The following RAP1GAP2 variants were observed in gnomAD, a reference collection of about 807,000 sequenced individuals.
The protein encoded by RAP1GAP2 is rap1 GTPase-activating protein 2.
RAP1GAP2 carries 27 observed loss-of-function variants against 95.0 expected under a neutral mutation model. The observed-to-expected ratio is 0.28, with a 90% CI of 0.21 to 0.39. The LOEUF is 0.39. RAP1GAP2 is among the 10% of genes least tolerant of loss of function. The pLI is 1.00. For missense variants in RAP1GAP2, 771 were observed against 970.0 expected (o/e 0.79, Z 2.72); for synonymous variants, 373 against 380.9 (o/e 0.98, Z 0.24).
intron 4 of RAP1GAP2, among the ~76,000 whole-genome samples, chr17:2,960,255 T>C (rs1328601054): frequency 6.6e-6 from 1 of 151,534 alleles, no homozygotes; most frequent in Non-Finnish European, 1.5e-5. Context: ...GGGGAGGGGA[T>C]GGGAGGAAGT....
chr17:2,829,246 A>C (rs1185036307), intron 2 of RAP1GAP2, among the ~76,000 whole-genome samples: 1 of 152,148 alleles, frequency 6.6e-6, no homozygotes, highest in Non-Finnish European at 1.5e-5. Flanking sequence ...AGCCTTAAAA[A>C]GTACTGGGAT....
chr17:3,028,467 G>A (rs1311797884), intron 22 of RAP1GAP2, among the ~76,000 whole-genome samples: 2 of 152,110 alleles, frequency 1.3e-5, no homozygotes, highest in Admixed American at 6.5e-5. Context: ...AATGACATTC[G>A]GTTGAAAAAC....
Position 2,871,674 on chromosome 17 carries a change from A to C in RAP1GAP2, c.81-33610A>C, listed in dbSNP as rs189839929. 6.6e-6 allele frequency among the ~76,000 whole-genome samples: 1 copy of C among 152,116 alleles called. No homozygotes were observed. The highest frequency in any genetic ancestry group is 1.5e-5 in the Non-Finnish European group (1 of 68,020). The stretch of plus-strand genomic sequence containing the variant: ...TTCATGCTGATTTCATTGGGGTTCA[A>C]TTGGTACCATCCCATGGGCAGTACA... On this transcript the variant is annotated intron_variant, in intron 2 of 24. Coordinates refer to ENST00000254695, the MANE Select transcript of RAP1GAP2 (RefSeq NM_015085.5). The surrounding 1 kb of genome is among the most constrained non-coding windows in gnomAD (Gnocchi z 5.0).
Position 3,034,310 on chromosome 17 carries a change from TG to T in RAP1GAP2, c.*950del. Reference sequence around the variant, plus strand: ...TGTTGGTTGAGGAAAACCTCGGGCCTGAGGGCCAGGCCGGAGCCCAGGTCTC... The same window carrying T: ...TGTTGGTTGAGGAAAACCTCGGGCCTAGGGCCAGGCCGGAGCCCAGGTCTC... On this transcript the variant is annotated 3_prime_UTR_variant, in exon 25 of 25. Coordinates refer to ENST00000254695, the MANE Select transcript of RAP1GAP2 (RefSeq NM_015085.5). The surrounding 1 kb of genome is among the most constrained non-coding windows in gnomAD (Gnocchi z 5.1). 1 of 187,718 alleles carries T rather than the reference TG, an allele frequency of 5.3e-6. No individual in the cohort carries two copies. The highest frequency in any genetic ancestry group is 1.2e-5 in the Non-Finnish European group (1 of 86,084). The allele number at this position is 187,718 out of a possible 1,614,324, so 11.6% of individuals were successfully genotyped here. A position where few individuals can be genotyped will look rare whatever the true frequency, so the allele number is the denominator to read the frequency against.
intron 3 of RAP1GAP2, among the ~76,000 whole-genome samples, chr17:2,921,596 TGCAGGGTCGTTAAGGTGTCA>T (rs1555569314): frequency 4.7e-5 from 7 of 149,420 alleles, no homozygotes; most frequent in South Asian, 2.1e-4. Context: ...TTAAGGTGTC[TGCAGGGTCGTTAAGGTGTCA>T]GCAGGGTCGT....
chr17:3,030,517 C>T (rs1475572774), intron 22 of RAP1GAP2, among the ~76,000 whole-genome samples: 1 of 152,116 alleles, frequency 6.6e-6, no homozygotes, highest in Non-Finnish European at 1.5e-5. Flanking sequence ...GACGTGATGT[C>T]CTCGAACGTG....
chr17:3,026,160 G>T, intron 20 of RAP1GAP2, 39 bp downstream of exon 20: 5 of 1,507,076 alleles, frequency 3.3e-6, no homozygotes, highest in Non-Finnish European at 4.6e-6. Context: ...CTTCGGCCAC[G>T]TGGAGCCCTG....
chr17:2,790,507 C>T (rs921024292), intron 1 of RAP1GAP2, among the ~76,000 whole-genome samples: 7 of 152,214 alleles, frequency 4.6e-5, no homozygotes, highest in Admixed American at 1.3e-4. Context: ...GCTGAAGTCT[C>T]AAAAGAGTAG....
intron 2 of RAP1GAP2, among the ~76,000 whole-genome samples, chr17:2,817,110 C>T (rs1293950038): frequency 1.7e-5 from 2 of 115,900 alleles, no homozygotes; most frequent in Non-Finnish European, 4.1e-5. Flanking sequence ...GCCTCAGCCT[C>T]CTATGTAGCT....
At chr17:2,874,095 C>T (rs756746116) in intron 2 of RAP1GAP2, among the ~76,000 whole-genome samples, 1 of 152,190 alleles carries the variant, frequency 6.6e-6, no homozygotes, top group African/African-American at 2.4e-5. Flanking sequence ...CATTTTCTAG[C>T]TCTCTGACTG....
At chr17:2,911,173 C>G (rs539239507) in intron 3 of RAP1GAP2, among the ~76,000 whole-genome samples, 31 of 152,264 alleles carry the variant, frequency 2.0e-4, no homozygotes, top group Middle Eastern at 3.4e-3. Flanking sequence ...CCGCGCTCCC[C>G]CCGGGCCCCC....
At chr17:2,861,332 G>A (rs1239719579) in intron 2 of RAP1GAP2, among the ~76,000 whole-genome samples, 4 of 152,014 alleles carry the variant, frequency 2.6e-5, no homozygotes, top group East Asian at 1.9e-4. Context: ...GTTTCAGAGC[G>A]GGAACTTTGC....
intron 2 of RAP1GAP2, among the ~76,000 whole-genome samples, chr17:2,834,217 T>G (rs1454067009): frequency 6.6e-6 from 1 of 152,176 alleles, no homozygotes; most frequent in Non-Finnish European, 1.5e-5. Flanking sequence ...TGGCTTTAGA[T>G]TTTCATCCTA....
At chr17:2,787,258 TTTTTTTTTTTTC>T (rs984182397) in intron 1 of RAP1GAP2, among the ~76,000 whole-genome samples, 9 of 151,688 alleles carry the variant, frequency 5.9e-5, no homozygotes, top group Non-Finnish European at 1.2e-4. Context: ...GCTTTGGTTT[TTTTTTTTTTTTC>T]TTTTTTTTTT....
intron 2 of RAP1GAP2, among the ~76,000 whole-genome samples, chr17:2,848,693 T>C (rs1417685320): frequency 6.6e-6 from 1 of 152,048 alleles, no homozygotes; most frequent in Admixed American, 6.6e-5. Context: ...TTCGTATTTT[T>C]AGTAGAGACG....
At chr17:2,781,827 GGTCTCTGTGTGGGCAC>G (rs1305822274) in intron 1 of RAP1GAP2, among the ~76,000 whole-genome samples, 3 of 139,856 alleles carry the variant, frequency 2.1e-5, no homozygotes, top group Non-Finnish European at 1.5e-5. Flanking sequence ...TGTGTGTGCA[GGTCTCTGTGTGGGCAC>G]GTCTCTGTGT....
intron 2 of RAP1GAP2, among the ~76,000 whole-genome samples, chr17:2,812,974 G>A (rs1323990207): frequency 1.5e-5 from 2 of 132,994 alleles, no homozygotes; most frequent in Non-Finnish European, 3.2e-5. Context: ...TGGGTAACAA[G>A]AGTGAAACTC....
chr17:2,801,595 GTA>G (rs768119841), intron 2 of RAP1GAP2, among the ~76,000 whole-genome samples: 6,682 of 78,014 alleles, frequency 0.086, 213 homozygotes, highest in Middle Eastern at 0.16. Flanking sequence ...ACACTCCAGG[GTA>G]TGTGTGTGTG....
In RAP1GAP2 at chr17:3,005,400, C is replaced by T. The variant is rs780499632; in HGVS notation, c.1232C>T (p.Thr411Ile). 6 of 1,613,908 alleles carry T rather than the reference C, an allele frequency of 3.7e-6. No individual in the cohort carries two copies. In the Admixed American group the frequency reaches 8.3e-5, roughly 22 times the overall value. ...VSVTAREDVP[T>I]FGPPLPSPPV... ...GTCACTGCGCGGGAAGATGTGCCCA[C>T]CTTTGGTCCACCTCTGCCCAGTCCC... The change falls in exon 15 of 25, where the codon ACC (threonine) becomes ATC (isoleucine). Residue 411 changes from threonine (T) to isoleucine (I), a missense_variant. Coordinates refer to ENST00000254695, the MANE Select transcript of RAP1GAP2 (RefSeq NM_015085.5). The surrounding 1 kb of genome is among the most constrained non-coding windows in gnomAD (Gnocchi z 5.2).
Sources: gnomAD v4.1 joint callset for allele counts (sites outside exome capture counted in the v4.1 genomes callset) on GRCh38, gnomAD v4.1.1 for gene constraint, Gnocchi (gnomAD v3.1) non-coding constraint, MANE v1.5 for transcripts, NCBI Gene and HGNC (gene_info 2026-07-23, HGNC 2026-07-21) for gene names.